CCDC34: variants seen among roughly 807,000 people sequenced by gnomAD.
The protein encoded by CCDC34 is coiled-coil domain-containing protein 34.
In CCDC34, 40 loss-of-function variants were observed where a neutral mutation model predicts 44.1. That is an observed-to-expected ratio of 0.91 (90% CI 0.70 to 1.18). The LOEUF (loss-of-function observed/expected upper bound fraction) is 1.18, where lower values mean the gene tolerates loss of function less well. CCDC34 is among the 50% of genes most tolerant of loss of function. CCDC34 has a pLI of 0.00. For missense variants in CCDC34, 466 were observed against 452.3 expected, an observed-to-expected ratio of 1.03 and a Z score of -0.28; for synonymous variants, 159 against 158.2, an observed-to-expected ratio of 1.01 and a Z score of -0.04.
intron 1 of CCDC34, 55 bp downstream of exon 1, chr11:27,362,781 G>A: frequency 1.3e-6 from 2 of 1,565,012 alleles, no homozygotes; most frequent in South Asian, 1.2e-5. Context: ...GGGTACTTAA[G>A]AGGGTCTAAG....
At chr11:27,346,647 CACAACACAAAACAAGCCA>C (rs999420128) in intron 3 of CCDC34, among the ~76,000 whole-genome samples, 3 of 152,032 alleles carry the variant, frequency 2.0e-5, no homozygotes, top group Admixed American at 1.3e-4. Flanking sequence ...AATGACTTAA[CACAACACAAAACAAGCCA>C]ACAACACAAA....
At chr11:27,357,650 T>C (rs901355497) in intron 1 of CCDC34, 109 bp from the exon 2 acceptor site, 5 of 890,068 alleles carry the variant, frequency 5.6e-6, no homozygotes, top group East Asian at 5.2e-5. Flanking sequence ...ATTTTCAATA[T>C]TGTGATTTTT....
At position 27,341,373 on chromosome 11, in the gene CCDC34, G is replaced by A; in HGVS notation, c.765+19C>T. On this transcript the variant is annotated intron_variant, in intron 4 of 5. Coordinates refer to ENST00000328697, the MANE Select transcript of CCDC34 (RefSeq NM_030771.2). ...ACACCAAAGTTATGTATTCTAACTG[G>A]TCACTTTAATAAAAATACCTTTTCT... The A allele has an allele frequency of 7.1e-7, 1 of 1,413,934 alleles. No individual in the cohort carries two copies. Among genetic ancestry groups the A allele is most frequent in the South Asian group, 1.4e-5 (1 of 70,358 alleles). The allele number at this position is 1,413,934 out of a possible 1,614,324, so 87.6% of individuals were successfully genotyped here.
chr11:27,363,063 C>T lies in CCDC34; in HGVS notation c.132G>A (p.Gly44=), dbSNP rs772736642. The T allele has an allele frequency of 3.1e-6, 5 of 1,612,884 alleles. No homozygotes were observed. The Admixed American group carries it at 6.7e-5, about 22-fold the overall frequency. ...GCGACGGCGAGCGCACCACCTCCAG[C>T]CCCTGCCCACGTGCGCCCGTCATAG... is the stretch of plus-strand genomic sequence containing the variant. ...SVPMTGARGQ[G]LEVVRSPSPP... The change falls in exon 1 of 6, where the codon GGG becomes GGA. Residue 44 remains glycine, a synonymous_variant. Transcript: ENST00000328697.
At chr11:27,339,090 G>C in intron 5 of CCDC34, 55 bp from the exon 6 acceptor site, 1 of 1,314,314 alleles carries the variant, frequency 7.6e-7, no homozygotes, top group Non-Finnish European at 1.1e-6. Context: ...TGACATCAAA[G>C]AAGCCACTTA....
intron 1 of CCDC34, among the ~76,000 whole-genome samples, chr11:27,358,964 C>CA (rs1471802757): frequency 2.6e-5 from 3 of 114,484 alleles, no homozygotes; most frequent in East Asian, 3.5e-4. Flanking sequence ...GTGGACCCCC[C>CA]CCCCCCACCG....
chr11:27,340,267 T>G (rs1029415311), intron 5 of CCDC34, among the ~76,000 whole-genome samples: 1 of 152,210 alleles, frequency 6.6e-6, no homozygotes, highest in African/African-American at 2.4e-5. Flanking sequence ...CCAATCGGTT[T>G]TGTGTCTGGT....
At chr11:27,349,666 G>A in intron 3 of CCDC34, 2 of 983,012 alleles carry the variant, frequency 2.0e-6, no homozygotes, top group Non-Finnish European at 2.4e-6. Context: ...ATCCATAGAA[G>A]AATATATTAA....
At position 27,338,705 on chromosome 11, in the gene CCDC34, A is replaced by C. The variant is rs1862313469; in HGVS notation, c.*116T>G. 1 of 859,996 alleles carries C rather than the reference A, an allele frequency of 1.2e-6. No individual in the cohort carries two copies. Among genetic ancestry groups the C allele is most frequent in the Non-Finnish European group, 1.8e-6 (1 of 551,764 alleles). The allele number at this position is 859,996 out of a possible 1,614,324, so 53.3% of individuals were successfully genotyped here. A position where few individuals can be genotyped will look rare whatever the true frequency, so the allele number is the denominator to read the frequency against. ...AAGGACTCCATATACAAATGCAAAA[A>C]TTGCTATTTGTCAATAATCACATTA... is the stretch of plus-strand genomic sequence containing the variant. On this transcript the variant is annotated 3_prime_UTR_variant, in exon 6 of 6. Transcript: ENST00000328697.
chr11:27,353,568 T>C (rs1326949323), intron 2 of CCDC34, among the ~76,000 whole-genome samples: 1 of 152,156 alleles, frequency 6.6e-6, no homozygotes, highest in Non-Finnish European at 1.5e-5. Context: ...ATATTTATCA[T>C]CTCAACAAAA....
intron 3 of CCDC34, chr11:27,349,900 A>C: frequency 9.9e-7 from 1 of 1,010,046 alleles, no homozygotes; most frequent in Non-Finnish European, 1.2e-6. Flanking sequence ...ATTGTAAAGA[A>C]AAGGAGGAGA....
intron 2 of CCDC34, among the ~76,000 whole-genome samples, chr11:27,355,200 G>T (rs1862558152): frequency 1.3e-5 from 2 of 152,030 alleles, no homozygotes; most frequent in South Asian, 4.1e-4. Context: ...TAACTCACAG[G>T]ATCAGTATTT....
chr11:27,361,547 C>T (rs550411510), intron 1 of CCDC34, among the ~76,000 whole-genome samples: 4 of 152,290 alleles, frequency 2.6e-5, no homozygotes, highest in Admixed American at 6.5e-5. Flanking sequence ...ATTTTACTAT[C>T]AGGTTGATCA....
At chr11:27,341,353 A>G (rs899886720) in intron 4 of CCDC34, 39 bp downstream of exon 4, 5 of 1,278,180 alleles carry the variant, frequency 3.9e-6, no homozygotes, top group Admixed American at 5.0e-5. Context: ...TATGAACACC[A>G]AAGTTATGTA....
At chr11:27,339,306 T>C (rs1477065343) in intron 5 of CCDC34, among the ~76,000 whole-genome samples, 1 of 152,208 alleles carries the variant, frequency 6.6e-6, no homozygotes, top group African/African-American at 2.4e-5. Flanking sequence ...ATCAAACTCC[T>C]ATAAAATTTT....
At chr11:27,357,321 T>C in intron 2 of CCDC34, 82 bp downstream of exon 2, 1 of 1,362,430 alleles carries the variant, frequency 7.3e-7, no homozygotes, top group Non-Finnish European at 1.0e-6. Context: ...TCAGGAATAA[T>C]AACATTAACA....
chr11:27,350,047 G>A, intron 3 of CCDC34: 1 of 1,257,640 alleles, frequency 8.0e-7, no homozygotes, highest in East Asian at 3.1e-5. Context: ...AGACTTGGAG[G>A]CACTTGCCAT....
intron 1 of CCDC34, among the ~76,000 whole-genome samples, chr11:27,358,968 C>CCCCA (rs1862619479): frequency 1.4e-5 from 1 of 70,782 alleles, no homozygotes; most frequent in African/African-American, 4.6e-5. Context: ...ACCCCCCCCC[C>CCCCA]CCACCGCCAC....
intron 3 of CCDC34, among the ~76,000 whole-genome samples, chr11:27,343,937 T>TTCAATA: frequency 6.6e-6 from 1 of 152,300 alleles, no homozygotes; most frequent in East Asian, 1.9e-4. Context: ...TGCCAATAAA[T>TTCAATA]TCAATATTTT....
Sources: gnomAD v4.1 joint callset for allele counts (sites outside exome capture counted in the v4.1 genomes callset) on GRCh38, gnomAD v4.1.1 for gene constraint, MANE v1.5 for transcripts, NCBI Gene and HGNC (gene_info 2026-07-23, HGNC 2026-07-21) for gene names.